UGT2A2: variants seen among roughly 807,000 people sequenced by gnomAD.
The protein encoded by UGT2A2 is UDP glucuronosyltransferase family 2 member A2, also known as UDP-glucuronosyltransferase 2A2.
Under a neutral mutation model 50.7 loss-of-function variants are expected in UGT2A2, and 60 were observed. That is an observed-to-expected ratio of 1.18 (90% confidence interval 0.96 to 1.47). The LOEUF is 1.47. Among genes scored for constraint, UGT2A2 ranks in the 40% most tolerant of loss-of-function variants. The pLI is 0.00. For missense variants in UGT2A2, 762 were observed against 634.0 expected (o/e 1.20, Z -2.17); for synonymous variants, 242 against 214.6 (o/e 1.13, Z -1.11).
At chr4:69,628,512 T>C (rs1400666349) in intron 1 of UGT2A2, among the ~76,000 whole-genome samples, 1 of 151,442 alleles carries the variant, frequency 6.6e-6, no homozygotes, top group East Asian at 1.9e-4. Flanking sequence ...AGTAGTCTCT[T>C]CAATAAATGA....
At chr4:69,602,505 A>G (rs914948470) in intron 1 of UGT2A2, among the ~76,000 whole-genome samples, 1 of 131,784 alleles carries the variant, frequency 7.6e-6, no homozygotes, top group South Asian at 2.5e-4. Context: ...CTATCTATCT[A>G]TCTGATATCA....
chr4:69,613,829 A>G (rs116356750), intron 1 of UGT2A2, among the ~76,000 whole-genome samples: 1,981 of 152,120 alleles, frequency 0.013, 42 homozygotes, highest in African/African-American at 0.045. Flanking sequence ...ACATAGCTCA[A>G]CATTATAAAA....
chr4:69,632,267 T>C (rs1365501959), intron 1 of UGT2A2, among the ~76,000 whole-genome samples: 1 of 152,174 alleles, frequency 6.6e-6, no homozygotes, highest in Non-Finnish European at 1.5e-5. Flanking sequence ...GCATAACATG[T>C]AATGTTACAA....
At chr4:69,592,464 C>T (rs1432324) in intron 5 of UGT2A2, among the ~76,000 whole-genome samples, 4 of 151,596 alleles carry the variant, frequency 2.6e-5, no homozygotes, top group African/African-American at 7.3e-5. Flanking sequence ...ACAATAATAG[C>T]GGGAGGGTAA....
intron 1 of UGT2A2, among the ~76,000 whole-genome samples, chr4:69,633,209 T>C (rs1025342279): frequency 6.6e-6 from 1 of 152,068 alleles, no homozygotes; most frequent in African/African-American, 2.4e-5. Flanking sequence ...ATGAAAGAAA[T>C]CATACTGTAC....
At chr4:69,630,220 T>C (rs1485039475) in intron 1 of UGT2A2, among the ~76,000 whole-genome samples, 1 of 152,104 alleles carries the variant, frequency 6.6e-6, no homozygotes, top group Non-Finnish European at 1.5e-5. Context: ...TAGTAATAGC[T>C]CCATCTGCAG....
Position 69,589,650 on chromosome 4 carries a change from A to G in UGT2A2, c.1333T>C (p.Tyr445His), listed in dbSNP as rs1183882628. The G allele has an allele frequency of 8.7e-6, 14 of 1,601,498 alleles. No individual in the cohort carries two copies. In the Admixed American group the frequency reaches 2.2e-4, roughly 26 times the overall value. Residue 445 changes from tyrosine to histidine, a missense_variant and splice_region_variant, in exon 6 of 6, where the codon TAT (tyrosine) becomes CAT (histidine). Physicochemically the swap from Tyr to His is moderately conservative, Grantham distance 83 (BLOSUM62 2). Transcript: ENST00000604629. ...ALRTVINEPS[Y>H]KENAMRLSRI... Reference sequence around the variant, plus strand: ...GATAACCTCATAGCATTCTCTTTATAACTAGAAGACAAATAAATAGGCAGA... The same window carrying G: ...GATAACCTCATAGCATTCTCTTTATGACTAGAAGACAAATAAATAGGCAGA...
Position 69,614,149 on chromosome 4 carries a change from T to C in UGT2A2, c.743-14755A>G, listed in dbSNP as rs144067998. Among the ~76,000 whole-genome samples the C allele has an allele frequency of 5.2e-3, 760 of 147,154 alleles. 4 individuals are homozygous for C. The highest frequency in any genetic ancestry group is 8.3e-3 in the Non-Finnish European group (554 of 66,598). ...GTAGTTCCAGGACACAAAATCAACA[T>C]ACAAATATCAGTGGCATTTCTATAT... is the stretch of plus-strand genomic sequence containing the variant. On this transcript the variant is annotated intron_variant, in intron 1 of 5. Transcript: ENST00000604629.
At chr4:69,599,563 T>C (rs1360468062) in intron 1 of UGT2A2, 169 bp from the exon 2 acceptor site, 6 of 965,218 alleles carry the variant, frequency 6.2e-6, no homozygotes, top group African/African-American at 1.8e-5. Flanking sequence ...TTAAAGAGGA[T>C]GGAAGAAAGG....
In UGT2A2 at chr4:69,588,561, T is replaced by C. The variant is rs185812401; in HGVS notation, c.*811A>G. On this transcript the variant is annotated 3_prime_UTR_variant, in exon 6 of 6. Transcript: ENST00000604629. The stretch of plus-strand genomic sequence containing the variant: ...AATTATTTGTACAGTTGACTAAAAA[T>C]TTTATAAAAATGATAATTATTTTCT... 1 of 152,112 alleles carries C rather than the reference T, an allele frequency of 6.6e-6. No homozygotes were observed. The highest frequency in any genetic ancestry group is 6.6e-5 in the Admixed American group (1 of 15,260). The allele number at this position is 152,112 out of a possible 1,614,324, so 9.4% of individuals were successfully genotyped here. A position where few individuals can be genotyped will look rare whatever the true frequency, so the allele number is the denominator to read the frequency against.
chr4:69,597,346 A>G (rs1026680338), intron 2 of UGT2A2, among the ~76,000 whole-genome samples: 1 of 152,164 alleles, frequency 6.6e-6, no homozygotes, highest in Non-Finnish European at 1.5e-5. Flanking sequence ...TGTGCCCTTA[A>G]TTTGAGCCTT....
intron 1 of UGT2A2, among the ~76,000 whole-genome samples, chr4:69,601,272 G>C (rs990215694): frequency 2.0e-5 from 3 of 152,094 alleles, no homozygotes; most frequent in African/African-American, 7.2e-5. Context: ...TGCCTACATA[G>C]GGGGAGCCAG....
chr4:69,605,618 A>G lies in UGT2A2; in HGVS notation c.743-6224T>C, dbSNP rs1029829402. Among the ~76,000 whole-genome samples the G allele has an allele frequency of 1.5e-5, 2 of 136,966 alleles. 1 individual carries two copies. The highest frequency in any genetic ancestry group is 3.1e-5 in the Non-Finnish European group (2 of 64,398). The allele number at this position is 136,966 out of a possible 152,430, so 89.9% of individuals were successfully genotyped here. A position where few individuals can be genotyped will look rare whatever the true frequency, so the allele number is the denominator to read the frequency against. On this transcript the variant is annotated intron_variant, in intron 1 of 5. Transcript: ENST00000604629. Reference sequence around the variant, plus strand: ...AGAGACACAAAAAACCCTTTAAAAAATCAATGAATCCAGGAGCTGGTTTTT... The same window carrying G: ...AGAGACACAAAAAACCCTTTAAAAAGTCAATGAATCCAGGAGCTGGTTTTT...
At chr4:69,618,241 G>A (rs962839330) in intron 1 of UGT2A2, among the ~76,000 whole-genome samples, 2 of 144,448 alleles carry the variant, frequency 1.4e-5, no homozygotes, top group Non-Finnish European at 3.1e-5. Context: ...GTGTGTGTAT[G>A]TGTGTGTTGA....
chr4:69,609,685 CACCTATACCTAT>C (rs61115115), intron 1 of UGT2A2, among the ~76,000 whole-genome samples: 1 of 151,450 alleles, frequency 6.6e-6, no homozygotes, highest in Non-Finnish European at 1.5e-5. Context: ...CCTATACCCA[CACCTATACCTAT>C]ACCTATACCT....
intron 1 of UGT2A2, among the ~76,000 whole-genome samples, chr4:69,602,505 ATCTG>A (rs1719356714): frequency 7.6e-6 from 1 of 131,784 alleles, no homozygotes; most frequent in Non-Finnish European, 1.6e-5. Flanking sequence ...CTATCTATCT[ATCTG>A]ATATCATGTT....
At chr4:69,624,025 T>C (rs1720900671) in intron 1 of UGT2A2, among the ~76,000 whole-genome samples, 1 of 151,604 alleles carries the variant, frequency 6.6e-6, no homozygotes. Flanking sequence ...ATATGAACTC[T>C]GTTATTTCCT....
chr4:69,598,761 T>A (rs1283421742), intron 2 of UGT2A2, among the ~76,000 whole-genome samples: 1 of 152,154 alleles, frequency 6.6e-6, no homozygotes, highest in Non-Finnish European at 1.5e-5. Flanking sequence ...AACTGTCTAA[T>A]AAATTCTCAA....
chr4:69,618,205 G>GTA (rs1553905687), intron 1 of UGT2A2, among the ~76,000 whole-genome samples: 5 of 87,982 alleles, frequency 5.7e-5, no homozygotes, highest in South Asian at 4.6e-4. Flanking sequence ...GTGTGTGTGT[G>GTA]TGTGTGTGTG....
Sources: gnomAD v4.1 joint callset for allele counts (sites outside exome capture counted in the v4.1 genomes callset) on GRCh38, gnomAD v4.1.1 for gene constraint, MANE v1.5 for transcripts, NCBI Gene and HGNC (gene_info 2026-07-23, HGNC 2026-07-21) for gene names.